IFT80: variants seen among roughly 807,000 people sequenced by gnomAD.
IFT80 encodes the protein intraflagellar transport protein 80 homolog.
Under a neutral mutation model 107.9 loss-of-function variants are expected in IFT80, and 79 were observed. The ratio of observed to expected loss-of-function variants is 0.73; its 90% confidence interval spans 0.61 to 0.88. IFT80 has a LOEUF of 0.88. Among genes scored for constraint, IFT80 ranks in the 40% least tolerant of loss-of-function variants. The pLI, the probability that IFT80 is intolerant of heterozygous loss-of-function variation, is 0.00. For synonymous variants in IFT80, 299 were observed against 300.9 expected, an observed-to-expected ratio of 0.99 and a Z score of 0.07; for missense variants, 797 against 914.2, an observed-to-expected ratio of 0.87 and a Z score of 1.65.
intron 8 of IFT80, among the ~76,000 whole-genome samples, chr3:160,341,217 GC>G (rs1309759595): frequency 6.6e-6 from 1 of 151,932 alleles, no homozygotes; most frequent in Non-Finnish European, 1.5e-5. Context: ...TCACCATGTT[GC>G]CCAGGCTGGT....
At chr3:160,340,049 T>C (rs1240543389) in intron 8 of IFT80, among the ~76,000 whole-genome samples, 1 of 152,198 alleles carries the variant, frequency 6.6e-6, no homozygotes, top group African/African-American at 2.4e-5. Context: ...AAATATTCTA[T>C]GCCTCTTTTC....
chr3:160,374,066 G>A (rs1711786224), intron 5 of IFT80, among the ~76,000 whole-genome samples: 1 of 152,126 alleles, frequency 6.6e-6, no homozygotes, highest in Admixed American at 6.6e-5. Flanking sequence ...TGAATCCACA[G>A]GTAGTAAATG....
chr3:160,288,151 T>C (rs1017429681), intron 12 of IFT80, among the ~76,000 whole-genome samples: 1 of 152,118 alleles, frequency 6.6e-6, no homozygotes, highest in Non-Finnish European at 1.5e-5. Flanking sequence ...GAGACCATCC[T>C]GGCTACGATG....
chr3:160,331,298 T>A (rs141186176), intron 8 of IFT80, among the ~76,000 whole-genome samples: 4 of 152,178 alleles, frequency 2.6e-5, no homozygotes, highest in Non-Finnish European at 5.9e-5. Flanking sequence ...GACAAAGGGA[T>A]GATTCATGTC....
intron 6 of IFT80, 88 bp downstream of exon 6, chr3:160,365,955 C>A: frequency 3.2e-6 from 3 of 941,590 alleles, no homozygotes; most frequent in Non-Finnish European, 5.3e-6. Context: ...AAAAAGACCA[C>A]CCAGAAGAAA....
chr3:160,302,903 C>T lies in IFT80; in HGVS notation c.1151+1012G>A, dbSNP rs1027692031. ...AACTATTTAACTGATAACTTTGATA[C>T]TCATAAGAATCTGTTGGTGCACAGA... On this transcript the variant is annotated intron_variant, in intron 11 of 19. Transcript: ENST00000326448. Among the ~76,000 whole-genome samples the T allele has an allele frequency of 5.3e-5, 8 of 152,030 alleles. No homozygotes were observed. In the East Asian group the frequency reaches 1.3e-3, roughly 26 times the overall value.
chr3:160,298,998 C>A, intron 12 of IFT80: 1 of 436,566 alleles, frequency 2.3e-6, no homozygotes, highest in Non-Finnish European at 3.0e-6. Context: ...TGTTACTATG[C>A]AGGGAATGAC....
chr3:160,358,206 T>C (rs1042074982), intron 6 of IFT80, among the ~76,000 whole-genome samples: 1 of 151,346 alleles, frequency 6.6e-6, no homozygotes, highest in Non-Finnish European at 1.5e-5. Flanking sequence ...GGTAGATAAC[T>C]CTTGCTATAT....
chr3:160,291,273 T>G (rs1167368821), intron 12 of IFT80, among the ~76,000 whole-genome samples: 2 of 152,220 alleles, frequency 1.3e-5, no homozygotes, highest in Admixed American at 6.5e-5. Flanking sequence ...AAAATAATCT[T>G]GAAATCTAAT....
At chr3:160,281,613 C>T (rs80329364) in intron 14 of IFT80, among the ~76,000 whole-genome samples, 31 of 152,288 alleles carry the variant, frequency 2.0e-4, no homozygotes, top group African/African-American at 7.0e-4. Context: ...AAATCAGTAG[C>T]TTCTCAATAA....
At position 160,279,198 on chromosome 3, in the gene IFT80, C is replaced by G; in HGVS notation, c.1831G>C (p.Val611Leu). The stretch of plus-strand genomic sequence containing the variant: ...GAATCTAAAATGTAAATTACCTTAA[C>G]AAAGCGACAAAGTCTCACAGCATCT... ...WEDAVRLCRF[V>L]KEQTMWACLA... is the part of the protein sequence containing the mutation. The change falls in exon 16 of 20, where the codon GTT becomes CTT. Residue 611 changes from valine to leucine, a missense_variant. Physicochemically the swap from Val to Leu is conservative, Grantham distance 32 (BLOSUM62 1). Coordinates refer to ENST00000326448, the MANE Select transcript of IFT80 (RefSeq NM_020800.3). 2 of 1,612,528 alleles carry G rather than the reference C, an allele frequency of 1.2e-6. No homozygotes were observed. The highest frequency in any genetic ancestry group is 1.7e-6 in the Non-Finnish European group (2 of 1,178,818).
intron 15 of IFT80, among the ~76,000 whole-genome samples, chr3:160,279,652 A>T (rs1463357189): frequency 6.9e-6 from 1 of 145,040 alleles, no homozygotes; most frequent in Non-Finnish European, 1.5e-5. Flanking sequence ...TATTCCTAAG[A>T]GCATTTGAAA....
At chr3:160,348,554 G>T (rs549596598) in intron 8 of IFT80, among the ~76,000 whole-genome samples, 3 of 152,128 alleles carry the variant, frequency 2.0e-5, no homozygotes, top group South Asian at 4.1e-4. Context: ...TAAACATAGG[G>T]TTACACTTGT....
intron 12 of IFT80, among the ~76,000 whole-genome samples, chr3:160,292,039 T>C (rs763336835): frequency 2.6e-5 from 4 of 152,188 alleles, no homozygotes; most frequent in African/African-American, 4.8e-5. Context: ...CAGATGGCTA[T>C]AGGGCAGATT....
chr3:160,305,006 T>C (rs1043776863), intron 10 of IFT80, among the ~76,000 whole-genome samples: 1 of 152,190 alleles, frequency 6.6e-6, no homozygotes, highest in African/African-American at 2.4e-5. Context: ...GCTTATTGAA[T>C]AAATGGATTA....
At chr3:160,397,603 C>T (rs955556255) in intron 1 of IFT80, among the ~76,000 whole-genome samples, 4 of 151,940 alleles carry the variant, frequency 2.6e-5, no homozygotes, top group African/African-American at 9.7e-5. Flanking sequence ...ACTGAGGAAA[C>T]TGTCAAGCAT....
At chr3:160,280,615 CTA>C (rs1278476657) in intron 15 of IFT80, 50 bp downstream of exon 15, 1 of 1,472,714 alleles carries the variant, frequency 6.8e-7, no homozygotes, top group African/African-American at 1.4e-5. Context: ...ACATGATACT[CTA>C]TTAGAGTTTT....
intron 16 of IFT80, among the ~76,000 whole-genome samples, 189 bp from the exon 17 acceptor site, chr3:160,277,859 CAG>C (rs1420779295): frequency 4.0e-5 from 6 of 151,894 alleles, no homozygotes; most frequent in African/African-American, 1.5e-4. Flanking sequence ...TATTAATACA[CAG>C]AAAACTTTTG....
intron 9 of IFT80, among the ~76,000 whole-genome samples, chr3:160,318,193 T>C (rs1433927621): frequency 7.3e-5 from 11 of 151,720 alleles, no homozygotes; most frequent in Non-Finnish European, 1.5e-5. Context: ...TATACTAGTC[T>C]GTGTGTGTTT....
Sources: allele counts gnomAD v4.1 joint callset (sites outside exome capture counted in the v4.1 genomes callset), GRCh38; gene constraint gnomAD v4.1.1; transcripts MANE v1.5; gene names NCBI Gene and HGNC (gene_info 2026-07-23, HGNC 2026-07-21).